ADAMTS9: variants seen among roughly 807,000 people sequenced by gnomAD.
ADAMTS9 encodes the protein A disintegrin and metalloproteinase with thrombospondin motifs 9.
In ADAMTS9, 107 loss-of-function variants were observed where a neutral mutation model predicts 257.1. That is an observed-to-expected ratio of 0.42 (90% CI 0.36 to 0.49). The LOEUF (loss-of-function observed/expected upper bound fraction) is 0.49. Ranked by LOEUF, ADAMTS9 falls within the 20% of genes least tolerant of loss-of-function variation. ADAMTS9 has a pLI of 0.03. For synonymous variants in ADAMTS9, 982 were observed against 880.9 expected, an observed-to-expected ratio of 1.11 and a Z score of -2.03; for missense variants, 2,353 against 2,469.1, an observed-to-expected ratio of 0.95 and a Z score of 1.00.
chr3:64,662,808 C>T (rs1048214267), intron 3 of ADAMTS9, among the ~76,000 whole-genome samples: 14 of 151,960 alleles, frequency 9.2e-5, no homozygotes, highest in Non-Finnish European at 1.8e-4. Context: ...TCTGAAAACC[C>T]CAAATCCAAA....
rs754174479 is a variant in ADAMTS9, at chr3:64,604,091, T to C, written c.3580-2A>G. 8 of 1,613,858 alleles carry C rather than the reference T, an allele frequency of 5.0e-6. No homozygotes were observed. Among genetic ancestry groups the C allele is most frequent in the Non-Finnish European group, 6.8e-6 (8 of 1,179,848 alleles). On this transcript the variant is annotated splice_acceptor_variant, in intron 24 of 39. Coordinates refer to ENST00000498707, the MANE Select transcript of ADAMTS9 (RefSeq NM_182920.2). LOFTEE classifies it high-confidence loss of function. The stretch of plus-strand genomic sequence containing the variant: ...ACCTTTCCCACAAGTGGCTGAGCAC[T>C]GGGTGTTGGAGTAAAATCATGCAGT...
At chr3:64,622,386 G>T (rs1302854951) in intron 17 of ADAMTS9, 34 bp downstream of exon 17, 4 of 1,612,830 alleles carry the variant, frequency 2.5e-6, no homozygotes, top group African/African-American at 1.3e-5. Flanking sequence ...CCAAGCAGAA[G>T]AAAAGGGTGG....
At chr3:64,532,435 C>T (rs533359174) in intron 38 of ADAMTS9, among the ~76,000 whole-genome samples, 2 of 152,184 alleles carry the variant, frequency 1.3e-5, no homozygotes, top group East Asian at 3.9e-4. Context: ...GGGTTTCTAC[C>T]GAGCGTGTTC....
At chr3:64,616,613 T>C (rs1164894501) in intron 19 of ADAMTS9, among the ~76,000 whole-genome samples, 1 of 152,180 alleles carries the variant, frequency 6.6e-6, no homozygotes, top group East Asian at 1.9e-4. Context: ...TTTGTATCCA[T>C]ACTACCTGTA....
chr3:64,532,445 C>T (rs1015859), intron 38 of ADAMTS9, among the ~76,000 whole-genome samples: 110,942 of 152,036 alleles, frequency 0.73, 42,785 homozygotes, highest in Non-Finnish European at 0.85. Flanking sequence ...CGAGCGTGTT[C>T]TGCTTTTGAA....
rs1701056816 is a variant in ADAMTS9, at chr3:64,655,860, T to C, written c.985A>G (p.Lys329Glu). ...TLMSIVASIYKDPSIGNLINI... is the reference protein window; with the variant it reads ...TLMSIVASIYEDPSIGNLINI... ...ATTAAATTTCCAATACTTGGGTCTT[T>C]ATAGATAGAGGCTACCTGCAACCGA... is the stretch of plus-strand genomic sequence containing the variant. The change falls in exon 5 of 40, where the codon AAA (lysine) becomes GAA (glutamate). Residue 329 changes from lysine to glutamate, a missense_variant. Lys to Glu is a moderately conservative substitution (Grantham distance 56, BLOSUM62 1). Coordinates refer to ENST00000498707, the MANE Select transcript of ADAMTS9 (RefSeq NM_182920.2). 1.9e-6 allele frequency: 3 copies of C among 1,563,936 alleles called. No homozygotes were observed. The East Asian group carries it at 6.7e-5, about 35-fold the overall frequency.
rs372271088 is a variant in ADAMTS9 at position 64,533,267 on chromosome 3, G to T, written c.5617C>A (p.Arg1873Ser). The change falls in exon 38 of 40, where the codon CGT becomes AGT. Residue 1873 changes from arginine (R) to serine (S), a missense_variant. Arg to Ser is a moderately radical substitution (Grantham distance 110). Transcript: ENST00000498707. Reference sequence around the variant, plus strand: ...GTTCCATAAAGGTTGATGCTAAAACGACCCTGGAAAACACGACCAACAAAA... The same window carrying T: ...GTTCCATAAAGGTTGATGCTAAAACTACCCTGGAAAACACGACCAACAAAA... ...CYSAAKCPQG[R>S]FSINLYGTGL... The T allele has an allele frequency of 1.1e-4, 180 of 1,613,452 alleles. No homozygotes were observed. The Middle Eastern group carries it at 1.3e-3, about 12-fold the overall frequency.
intron 38 of ADAMTS9, 127 bp from the exon 39 acceptor site, chr3:64,522,387 A>T: frequency 1.3e-6 from 1 of 751,566 alleles, no homozygotes; most frequent in Non-Finnish European, 2.2e-6. Flanking sequence ...GAAGCCCAAC[A>T]TACTCACCAT....
At chr3:64,537,747 C>G (rs981695822) in intron 37 of ADAMTS9, among the ~76,000 whole-genome samples, 8 of 152,146 alleles carry the variant, frequency 5.3e-5, no homozygotes, top group African/African-American at 1.9e-4. Flanking sequence ...AAACTCTTGA[C>G]AGAGTTTAAC....
At chr3:64,607,697 A>G (rs2084584630) in intron 22 of ADAMTS9, among the ~76,000 whole-genome samples, 1 of 152,200 alleles carries the variant, frequency 6.6e-6, no homozygotes, top group Non-Finnish European at 1.5e-5. Flanking sequence ...CCTCCACTGA[A>G]GCAACTGTTA....
In ADAMTS9 at chr3:64,602,224, T is replaced by G; in HGVS notation, c.3748-11A>C. 2 of 1,612,578 alleles carry G rather than the reference T, an allele frequency of 1.2e-6. No homozygotes were observed. Among genetic ancestry groups the G allele is most frequent in the Admixed American group, 1.7e-5 (1 of 59,994 alleles). ...ACAGGTCACAGAGCACTAGGTTGAA[T>G]GTTCAGAAAGAGAAAGGGTCAGTCA... is the stretch of plus-strand genomic sequence containing the variant. On this transcript the variant is annotated splice_polypyrimidine_tract_variant and intron_variant, in intron 25 of 39. Transcript: ENST00000498707.
chr3:64,676,735 T>C (rs1701633313), intron 3 of ADAMTS9, among the ~76,000 whole-genome samples: 1 of 152,240 alleles, frequency 6.6e-6, no homozygotes, highest in Non-Finnish European at 1.5e-5. Flanking sequence ...AACACTGTAC[T>C]GGATCTCGTT....
At chr3:64,595,739 C>T (rs546456028) in intron 27 of ADAMTS9, among the ~76,000 whole-genome samples, 8 of 152,274 alleles carry the variant, frequency 5.3e-5, no homozygotes, top group South Asian at 2.1e-4. Flanking sequence ...AATGTGGACA[C>T]GTGATTTCAT....
At chr3:64,615,558 T>G in intron 20 of ADAMTS9, 73 bp from the exon 21 acceptor site, 1 of 1,456,566 alleles carries the variant, frequency 6.9e-7, no homozygotes, top group Non-Finnish European at 9.2e-7. Flanking sequence ...CCTGGCTATG[T>G]TGTCTCTTCC....
chr3:64,633,647 G>A, intron 13 of ADAMTS9, 39 bp from the exon 14 acceptor site: 1 of 1,613,898 alleles, frequency 6.2e-7, no homozygotes, highest in East Asian at 2.2e-5. Context: ...TTTTGTGCCT[G>A]GCCTCAGTGC....
intron 33 of ADAMTS9, 50 bp from the exon 34 acceptor site, chr3:64,541,670 A>C (rs749499189): frequency 1.3e-6 from 2 of 1,563,340 alleles, no homozygotes; most frequent in South Asian, 2.2e-5. Flanking sequence ...CGAGATGTGA[A>C]TTATCTGCCT....
At chr3:64,668,949 G>A (rs929909342) in intron 3 of ADAMTS9, among the ~76,000 whole-genome samples, 5 of 152,138 alleles carry the variant, frequency 3.3e-5, no homozygotes, top group Admixed American at 6.5e-5. Flanking sequence ...CTAGTTTACA[G>A]GCACTGAGGA....
intron 22 of ADAMTS9, among the ~76,000 whole-genome samples, chr3:64,607,292 T>C (rs1177035722): frequency 3.3e-5 from 5 of 152,178 alleles, no homozygotes; most frequent in Non-Finnish European, 7.4e-5. Context: ...CTGCCTCCCA[T>C]TGAAATGATA....
chr3:64,679,992 G>T (rs4408864), intron 3 of ADAMTS9, among the ~76,000 whole-genome samples: 1 of 152,092 alleles, frequency 6.6e-6, no homozygotes, highest in African/African-American at 2.4e-5. Flanking sequence ...ATTCCATCTT[G>T]TTATGGTGGT....
Sources: gnomAD v4.1 joint callset for allele counts (sites outside exome capture counted in the v4.1 genomes callset) on GRCh38, gnomAD v4.1.1 for gene constraint, MANE v1.5 for transcripts, NCBI Gene and HGNC (gene_info 2026-07-23, HGNC 2026-07-21) for gene names.